The following MPRIP variants were observed in gnomAD, a reference collection of about 807,000 sequenced individuals.
MPRIP encodes myosin phosphatase Rho-interacting protein.
MPRIP carries 59 observed loss-of-function variants against 234.9 expected under a neutral mutation model. The ratio of observed to expected loss-of-function variants is 0.25; its 90% confidence interval spans 0.20 to 0.31. The LOEUF is 0.31. MPRIP is among the 10% of genes least tolerant of loss of function. MPRIP has a pLI of 1.00. For missense variants in MPRIP, 2,436 were observed against 3,071.0 expected (o/e 0.79, Z 4.89); for synonymous variants, 1,144 against 1,263.9 (o/e 0.91, Z 2.01).
intron 1 of MPRIP, among the ~76,000 whole-genome samples, chr17:17,063,295 G>A (rs570150975): frequency 1.3e-5 from 2 of 152,328 alleles, no homozygotes; most frequent in East Asian, 3.9e-4. Context: ...GGTCATTGGA[G>A]CCCAACTTTG....
chr17:17,125,615 C>T (rs149680059), intron 3 of MPRIP, among the ~76,000 whole-genome samples: 12 of 152,262 alleles, frequency 7.9e-5, no homozygotes, highest in East Asian at 3.9e-4. Context: ...GGAAGAAGGT[C>T]GGGGTGTGGA....
intron 1 of MPRIP, among the ~76,000 whole-genome samples, chr17:17,046,811 C>G (rs1412416459): frequency 6.6e-6 from 1 of 152,170 alleles, no homozygotes; most frequent in African/African-American, 2.4e-5. Flanking sequence ...CAGACTTTGC[C>G]GTCTCATCAC....
intron 3 of MPRIP, among the ~76,000 whole-genome samples, chr17:17,120,139 C>T (rs1172251651): frequency 6.6e-6 from 1 of 152,176 alleles, no homozygotes; most frequent in Non-Finnish European, 1.5e-5. Flanking sequence ...GTCTCACGTG[C>T]GACTGGTTCT....
At chr17:17,067,201 C>T (rs2089058491) in intron 1 of MPRIP, among the ~76,000 whole-genome samples, 3 of 152,196 alleles carry the variant, frequency 2.0e-5, no homozygotes, top group South Asian at 4.1e-4. Context: ...TACTGTACAT[C>T]TTAGCAACCT....
intron 15 of MPRIP, among the ~76,000 whole-genome samples, chr17:17,163,801 G>T (rs1282882399): frequency 6.6e-6 from 1 of 151,706 alleles, no homozygotes; most frequent in African/African-American, 2.4e-5. Context: ...TTTAGTCTTT[G>T]TTTTGCTTCT....
rs750285807 is a variant in MPRIP, at chr17:17,057,641, C to T, written c.123+14670C>T. ...AACCTTTATTTCTTTGGCAGCAAAA[C>T]ACCCACCCCCTTGAAATGAAACGTG... On this transcript the variant is annotated intron_variant, in intron 1 of 23. Transcript: ENST00000651222. 1.2e-4 allele frequency: 87 copies of T among 717,992 alleles called. 2 individuals carry two copies. The highest frequency in any genetic ancestry group is 6.8e-4 in the South Asian group (46 of 67,602). The allele number at this position is 717,992 out of a possible 1,614,324, so 44.5% of individuals were successfully genotyped here.
At chr17:17,136,483 G>A (rs762819198) in intron 6 of MPRIP, 33 bp downstream of exon 6, 2 of 1,579,114 alleles carry the variant, frequency 1.3e-6, no homozygotes, top group South Asian at 2.3e-5. Flanking sequence ...TGTATGCACG[G>A]GAATGGCCCT....
At chr17:17,120,681 G>A (rs1597837864) in intron 3 of MPRIP, among the ~76,000 whole-genome samples, 1 of 147,606 alleles carries the variant, frequency 6.8e-6, no homozygotes, top group Non-Finnish European at 1.5e-5. Flanking sequence ...GGCCTACAGA[G>A]GGCCGTCTCT....
chr17:17,077,342 C>G (rs988709861), intron 2 of MPRIP: 1 of 152,598 alleles, frequency 6.6e-6, no homozygotes, highest in Non-Finnish European at 1.5e-5. Context: ...GGCATCTGAC[C>G]GCCGTGGACA....
In MPRIP at chr17:17,192,427, T is replaced by TTTTGG. The variant is rs56270914; in HGVS notation, c.*7533_*7534insTTTGG. The TTTTGG allele has an allele frequency of 2.1e-4, 1 of 4,810 alleles. No homozygotes were observed. Among genetic ancestry groups the TTTTGG allele is most frequent in the Non-Finnish European group, 5.2e-4 (1 of 1,922 alleles). The allele number at this position is 4,810 out of a possible 1,614,324, so 0.3% of individuals were successfully genotyped here. A position where few individuals can be genotyped will look rare whatever the true frequency, so the allele number is the denominator to read the frequency against. ...ACCAGCTGAGCTGCTGCTTTTTTTT[T>TTTTGG]GGGGGGGGGGGGGGGAGGGGCGTCT... On this transcript the variant is annotated 3_prime_UTR_variant, in exon 24 of 24. Coordinates refer to ENST00000651222, the MANE Select transcript of MPRIP (RefSeq NM_001364716.4).
intron 13 of MPRIP, among the ~76,000 whole-genome samples, chr17:17,156,234 C>T (rs2045726342): frequency 6.6e-6 from 1 of 152,238 alleles, no homozygotes. Context: ...GGAGAGGCGC[C>T]TCCACGCTTG....
chr17:17,180,520 T>C (rs1165826941), intron 23 of MPRIP: 4 of 1,223,390 alleles, frequency 3.3e-6, no homozygotes, highest in East Asian at 4.6e-5. Flanking sequence ...GAGCCAGCCA[T>C]GCACAGGAGG....
chr17:17,051,177 G>C (rs2143845699), intron 1 of MPRIP, among the ~76,000 whole-genome samples: 1 of 152,334 alleles, frequency 6.6e-6, no homozygotes, highest in Non-Finnish European at 1.5e-5. Flanking sequence ...GCCGCCTCTG[G>C]GGGAAGTAGC....
At chr17:17,123,980 G>A (rs1192821047) in intron 3 of MPRIP, among the ~76,000 whole-genome samples, 2 of 152,170 alleles carry the variant, frequency 1.3e-5, no homozygotes, top group South Asian at 4.1e-4. Flanking sequence ...TTGACACACA[G>A]GTAGTTAATA....
intron 16 of MPRIP, chr17:17,170,055 A>C (rs980071258): frequency 6.6e-6 from 1 of 152,018 alleles, no homozygotes; most frequent in Non-Finnish European, 1.5e-5. Context: ...AAAAAAAAAA[A>C]GACTTAAAAG....
chr17:17,131,162 A>AC (rs2144419963), intron 4 of MPRIP, among the ~76,000 whole-genome samples: 1 of 151,344 alleles, frequency 6.6e-6, no homozygotes, highest in East Asian at 1.9e-4. Context: ...GAGTTCAGCA[A>AC]CCCCCCACAC....
chr17:17,164,105 T>A lies in MPRIP; in HGVS notation c.2518-4T>A, dbSNP rs902778159. On this transcript the variant is annotated splice_region_variant and splice_polypyrimidine_tract_variant and intron_variant, in intron 15 of 23. Transcript: ENST00000651222. The stretch of plus-strand genomic sequence containing the variant: ...CTAACCAGTATTTAATCGGTTTTTT[T>A]AAGACTGAAGTGGCCGCCTCCCCAT... The A allele has an allele frequency of 3.1e-6, 4 of 1,304,000 alleles. No individual in the cohort carries two copies. The highest frequency in any genetic ancestry group is 2.3e-5 in the Admixed American group (1 of 43,566). 80.8% of individuals were successfully genotyped at this position (1,304,000 alleles called of 1,614,324 possible).
chr17:17,157,803 G>A (rs2045761501), intron 13 of MPRIP, among the ~76,000 whole-genome samples: 1 of 151,780 alleles, frequency 6.6e-6, no homozygotes, highest in Non-Finnish European at 1.5e-5. Context: ...ACTCCAGCCT[G>A]GGTAACAAGA....
intron 14 of MPRIP, among the ~76,000 whole-genome samples, chr17:17,160,140 G>A (rs545163299): frequency 3.3e-4 from 50 of 152,192 alleles, no homozygotes; most frequent in African/African-American, 4.1e-4. Context: ...AGGCCGAGGC[G>A]GGCGGATCAC....
Sources: gnomAD v4.1 joint callset for allele counts (sites outside exome capture counted in the v4.1 genomes callset) on GRCh38, gnomAD v4.1.1 for gene constraint, MANE v1.5 for transcripts, NCBI Gene and HGNC (gene_info 2026-07-23, HGNC 2026-07-21) for gene names.